RARB: variants seen among roughly 807,000 people sequenced by gnomAD.
The protein encoded by RARB is retinoic acid receptor beta, also known as HBV-activated protein.
RARB carries 17 observed loss-of-function variants against 51.9 expected under a neutral mutation model. The observed-to-expected ratio is 0.33, with a 90% CI of 0.22 to 0.49. The LOEUF is 0.49. RARB is among the 20% of genes least tolerant of loss of function. RARB has a pLI of 0.99. For synonymous variants in RARB, 215 were observed against 195.4 expected, an observed-to-expected ratio of 1.10 and a Z score of -0.84; for missense variants, 369 against 550.8, an observed-to-expected ratio of 0.67 and a Z score of 3.30.
chr3:25,102,994 G>C (rs550726995), intron 3 of RARB, among the ~76,000 whole-genome samples: 1 of 152,206 alleles, frequency 6.6e-6, no homozygotes, highest in Non-Finnish European at 1.5e-5. Flanking sequence ...AGGTTGCAGT[G>C]AGCCGAGAGT....
At chr3:25,396,147 C>T (rs779852821) in intron 5 of RARB, among the ~76,000 whole-genome samples, 4 of 152,148 alleles carry the variant, frequency 2.6e-5, no homozygotes, top group Admixed American at 2.6e-4. Context: ...TCTAGCCACC[C>T]AGCAGAGCTA....
At chr3:25,408,092 A>G (rs1707461756) in intron 5 of RARB, among the ~76,000 whole-genome samples, 1 of 152,118 alleles carries the variant, frequency 6.6e-6, no homozygotes, top group African/African-American at 2.4e-5. Flanking sequence ...CCTTGTCTCA[A>G]TGTCTGTTTC....
At position 25,486,749 on chromosome 3, in the gene RARB, A is replaced by G. The variant is rs114066922; in HGVS notation, c.307-14433A>G. On this transcript the variant is annotated intron_variant, in intron 2 of 7. Transcript: ENST00000330688. ...TACTTTTTTGGCTACATTCTGATAT[A>G]TCCAGCACATATATGCATTTCCTGA... Among the ~76,000 whole-genome samples the G allele has an allele frequency of 6.1e-3, 936 of 152,280 alleles. 11 individuals carry two copies. Among genetic ancestry groups the G allele is most frequent in the African/African-American group, 0.021 (882 of 41,566 alleles).
At chr3:25,219,906 A>G (rs930053775) in intron 5 of RARB, among the ~76,000 whole-genome samples, 3 of 152,234 alleles carry the variant, frequency 2.0e-5, no homozygotes. Flanking sequence ...CAGAAATGGA[A>G]GTAAATCTGC....
chr3:25,578,583 A>G (rs1241469230), intron 4 of RARB, among the ~76,000 whole-genome samples: 1 of 152,164 alleles, frequency 6.6e-6, no homozygotes, highest in African/African-American at 2.4e-5. Flanking sequence ...TAAACTGCCT[A>G]TTAAATTTAA....
chr3:25,086,003 A>G (rs1245098234), intron 3 of RARB, among the ~76,000 whole-genome samples: 3 of 152,178 alleles, frequency 2.0e-5, no homozygotes, highest in Admixed American at 1.3e-4. Context: ...CAGGGACTCA[A>G]GCTCCTTACA....
At position 25,596,298 on chromosome 3, in the gene RARB, A is replaced by ATT. The variant is rs530940036; in HGVS notation, c.1151-121_1151-120insTT. On this transcript the variant is annotated intron_variant, in intron 7 of 7. Transcript: ENST00000330688. The stretch of plus-strand genomic sequence containing the variant: ...AAAAGCCACCTGATATCTACATTTC[A>ATT]TAATTCCTAAGCAAGAATCTTAGGA... 28 of 774,234 alleles carry ATT rather than the reference A, an allele frequency of 3.6e-5. No homozygotes were observed. In the South Asian group the frequency reaches 5.9e-4, roughly 16 times the overall value. The allele number at this position is 774,234 out of a possible 1,614,324, so 48.0% of individuals were successfully genotyped here.
intron 5 of RARB, among the ~76,000 whole-genome samples, chr3:25,283,252 C>T (rs1447473402): frequency 6.6e-6 from 1 of 152,212 alleles, no homozygotes; most frequent in African/African-American, 2.4e-5. Context: ...GCAATGACCT[C>T]TCACTTTTGC....
chr3:25,491,042 A>G (rs142976349), intron 2 of RARB, among the ~76,000 whole-genome samples: 137 of 152,302 alleles, frequency 9.0e-4, no homozygotes, highest in African/African-American at 3.1e-3. Flanking sequence ...TATTTAGCCT[A>G]CTGCACAGAA....
intron 4 of RARB, among the ~76,000 whole-genome samples, chr3:25,152,987 T>G (rs1700314924): frequency 6.6e-6 from 1 of 152,132 alleles, no homozygotes; most frequent in African/African-American, 2.4e-5. Context: ...ACAAACAGTT[T>G]GAAGGAAAAA....
intron 5 of RARB, among the ~76,000 whole-genome samples, chr3:25,384,308 C>T (rs1476903661): frequency 6.6e-6 from 1 of 152,116 alleles, no homozygotes; most frequent in Non-Finnish European, 1.5e-5. Flanking sequence ...GTCTCTTCAT[C>T]CCTCCCTCCC....
At chr3:25,355,892 G>T (rs1184527096) in intron 5 of RARB, among the ~76,000 whole-genome samples, 2 of 151,742 alleles carry the variant, frequency 1.3e-5, no homozygotes, top group Non-Finnish European at 2.9e-5. Context: ...TTTTTTTATG[G>T]GATGCGTCTA....
At chr3:25,589,052 C>A (rs975723663) in intron 5 of RARB, among the ~76,000 whole-genome samples, 5 of 152,172 alleles carry the variant, frequency 3.3e-5, no homozygotes, top group Non-Finnish European at 5.9e-5. Context: ...TTTAAACCAC[C>A]ACACGTTATA....
intron 1 of RARB, 45 bp downstream of exon 1, chr3:25,428,933 G>A (rs1708091975): frequency 6.4e-7 from 1 of 1,559,696 alleles, no homozygotes; most frequent in Non-Finnish European, 8.7e-7. Flanking sequence ...AAAAAAAATT[G>A]TCTCTCTTGC....
chr3:25,096,267 A>G (rs1478351029), intron 3 of RARB, among the ~76,000 whole-genome samples: 1 of 152,130 alleles, frequency 6.6e-6, no homozygotes, highest in African/African-American at 2.4e-5. Flanking sequence ...AGATTCCAGG[A>G]TGTTGAATTA....
chr3:25,113,824 G>A (rs1699642938), intron 3 of RARB, among the ~76,000 whole-genome samples: 1 of 152,080 alleles, frequency 6.6e-6, no homozygotes, highest in Admixed American at 6.6e-5. Context: ...AGGACCCTGA[G>A]CAGAGAACAG....
intron 4 of RARB, 67 bp from the exon 5 acceptor site, chr3:25,580,476 ACAT>A: frequency 7.3e-7 from 1 of 1,370,954 alleles, no homozygotes; most frequent in Non-Finnish European, 9.9e-7. Flanking sequence ...AATTGGAAAC[ACAT>A]TGAATTTCTC....
At chr3:25,390,572 T>C (rs1228496822) in intron 5 of RARB, among the ~76,000 whole-genome samples, 1 of 148,536 alleles carries the variant, frequency 6.7e-6, no homozygotes, top group Non-Finnish European at 1.5e-5. Context: ...AGAAGACCCG[T>C]TCATTTTTTT....
intron 1 of RARB, among the ~76,000 whole-genome samples, chr3:25,452,404 A>G (rs1709234690): frequency 8.3e-6 from 1 of 120,962 alleles, no homozygotes; most frequent in Non-Finnish European, 1.7e-5. Flanking sequence ...CCGTAAGCCC[A>G]GACAGGTGTA....
Sources: allele counts gnomAD v4.1 joint callset (sites outside exome capture counted in the v4.1 genomes callset), GRCh38; gene constraint gnomAD v4.1.1; transcripts MANE v1.5; gene names NCBI Gene and HGNC (gene_info 2026-07-23, HGNC 2026-07-21).